Variants in FRG1 observed in about 807,000 individuals in gnomAD.
The protein encoded by FRG1 is FSHD region gene 1.
Under a neutral mutation model 37.0 loss-of-function variants are expected in FRG1, and 19 were observed. That is an observed-to-expected ratio of 0.51 (90% CI 0.36 to 0.75). The LOEUF (loss-of-function observed/expected upper bound fraction) is 0.75, where lower values mean the gene tolerates loss of function less well. Among genes scored for constraint, FRG1 ranks in the 30% least tolerant of loss-of-function variants. The pLI is 0.00. For missense variants in FRG1, 243 were observed against 301.4 expected (o/e 0.81, Z 1.44); for synonymous variants, 73 against 96.5 (o/e 0.76, Z 1.43).
chr4:189,945,885 C>G (rs1365260395), intron 2 of FRG1, among the ~76,000 whole-genome samples: 1 of 151,962 alleles, frequency 6.6e-6, no homozygotes, highest in East Asian at 1.9e-4. Context: ...TCAGCTGAAC[C>G]CGGAGGGTTT....
At chr4:189,962,801 C>A (rs1459102316) in intron 8 of FRG1, among the ~76,000 whole-genome samples, 2 of 152,148 alleles carry the variant, frequency 1.3e-5, no homozygotes, top group Non-Finnish European at 2.9e-5. Flanking sequence ...ACAGCATTCT[C>A]ACCCTGTTAA....
chr4:189,949,467 C>T (rs1233766786), intron 2 of FRG1, among the ~76,000 whole-genome samples: 1 of 152,098 alleles, frequency 6.6e-6, no homozygotes, highest in Non-Finnish European at 1.5e-5. Context: ...TTTCAGTTGA[C>T]AATATTAAAG....
At chr4:189,945,211 G>A (rs372295373) in intron 2 of FRG1, among the ~76,000 whole-genome samples, 10 of 152,038 alleles carry the variant, frequency 6.6e-5, no homozygotes, top group Admixed American at 3.3e-4. Flanking sequence ...TGTGACTATC[G>A]TTTTACTTCT....
At chr4:189,950,731 A>T (rs911133512) in intron 2 of FRG1, among the ~76,000 whole-genome samples, 6 of 152,136 alleles carry the variant, frequency 3.9e-5, no homozygotes, top group African/African-American at 7.2e-5. Context: ...TGAGTCCCCC[A>T]TGTGCCCAGG....
rs1737310757 is a variant in FRG1 at position 189,963,158 on chromosome 4, CTG to C, written c.*33_*34del. On this transcript the variant is annotated 3_prime_UTR_variant, in exon 9 of 9. Coordinates refer to ENST00000226798, the MANE Select transcript of FRG1 (RefSeq NM_004477.3). ...GGATTTTTGTTTCTGCCTTATCTTT[CTG>C]TGTTTTTTTCTGAATAAAATATTCA... The C allele has an allele frequency of 2.5e-6, 4 of 1,599,248 alleles. No homozygotes were observed. Among genetic ancestry groups the C allele is most frequent in the South Asian group, 1.1e-5 (1 of 89,756 alleles).
chr4:189,954,874 G>A (rs1362578117), intron 4 of FRG1, among the ~76,000 whole-genome samples, 163 bp from the exon 5 acceptor site: 6 of 152,250 alleles, frequency 3.9e-5, no homozygotes, highest in African/African-American at 1.4e-4. Context: ...GATTACAGGA[G>A]TGAGTCACCA....
At chr4:189,943,550 T>C (rs540422797) in intron 2 of FRG1, among the ~76,000 whole-genome samples, 3 of 152,348 alleles carry the variant, frequency 2.0e-5, no homozygotes, top group African/African-American at 7.2e-5. Context: ...TTTAAAGGCC[T>C]AATGTAAATG....
intron 3 of FRG1, 25 bp from the exon 4 acceptor site, chr4:189,953,043 T>G (rs751465628): frequency 6.5e-7 from 1 of 1,540,150 alleles, no homozygotes; most frequent in Middle Eastern, 2.4e-4. Context: ...GTCAAATTTA[T>G]TTTCAAATGT....
At chr4:189,956,894 A>G (rs1380517800) in intron 5 of FRG1, among the ~76,000 whole-genome samples, 2 of 152,234 alleles carry the variant, frequency 1.3e-5, no homozygotes, top group Non-Finnish European at 2.9e-5. Context: ...TTAAACAACT[A>G]AAAAAGTATA....
chr4:189,954,998 T>A (rs1736918805), intron 4 of FRG1, 39 bp from the exon 5 acceptor site: 1 of 1,274,982 alleles, frequency 7.8e-7, no homozygotes, highest in Non-Finnish European at 1.1e-6. Flanking sequence ...ATTAATTTTC[T>A]CTCAGTCTTT....
intron 4 of FRG1, among the ~76,000 whole-genome samples, chr4:189,953,784 AGAT>A (rs1359752056): frequency 6.6e-6 from 1 of 152,120 alleles, no homozygotes; most frequent in African/African-American, 2.4e-5. Context: ...AATCACATTA[AGAT>A]GATTATTTCT....
At chr4:189,959,998 G>A (rs1423734121) in intron 6 of FRG1, 1 of 581,516 alleles carries the variant, frequency 1.7e-6, no homozygotes, top group Non-Finnish European at 2.2e-6. Context: ...AGGTAGCCTT[G>A]TGTTACAGGC....
intron 2 of FRG1, among the ~76,000 whole-genome samples, chr4:189,948,789 C>G (rs79679893): frequency 1.2e-4 from 19 of 152,400 alleles, no homozygotes; most frequent in African/African-American, 4.6e-4. Context: ...CTCGTAGGCT[C>G]AAGCAATCCT....
chr4:189,947,566 T>C (rs1224195543), intron 2 of FRG1, among the ~76,000 whole-genome samples: 3 of 152,210 alleles, frequency 2.0e-5, no homozygotes, highest in African/African-American at 7.2e-5. Flanking sequence ...AGCCACATGT[T>C]CTAGGTATAC....
intron 6 of FRG1, 96 bp downstream of exon 6, chr4:189,957,598 G>C (rs1737040864): frequency 9.3e-7 from 1 of 1,080,296 alleles, no homozygotes; most frequent in South Asian, 1.4e-5. Context: ...TCACTTTAAA[G>C]ATTTACTTAA....
At chr4:189,942,723 A>C (rs947686401) in intron 1 of FRG1, among the ~76,000 whole-genome samples, 1 of 152,172 alleles carries the variant, frequency 6.6e-6, no homozygotes, top group Admixed American at 6.5e-5. Flanking sequence ...ATACATACTT[A>C]GGAGTAAAAT....
chr4:189,941,005 G>T lies in FRG1; in HGVS notation c.-5G>T, dbSNP rs1379864902. On this transcript the variant is annotated 5_prime_UTR_variant, in exon 1 of 9. Transcript: ENST00000226798. ...AGCCTCTCCGCGCAGAAGTTTCCCG[G>T]AGCCATGGCCGAGTACTCCTACGTG... The T allele has an allele frequency of 6.2e-7, 1 of 1,613,576 alleles. No individual in the cohort carries two copies. Among genetic ancestry groups the T allele is most frequent in the African/African-American group, 1.3e-5 (1 of 74,958 alleles).
intron 1 of FRG1, 34 bp downstream of exon 1, chr4:189,941,105 G>A (rs1425190585): frequency 6.3e-7 from 1 of 1,592,760 alleles, no homozygotes; most frequent in African/African-American, 1.3e-5. Context: ...AGCCTCCTCC[G>A]TTCTTTTCGG....
chr4:189,947,246 T>G (rs1003479), intron 2 of FRG1, among the ~76,000 whole-genome samples: 65,922 of 152,054 alleles, frequency 0.43, 17,003 homozygotes, highest in African/African-American at 0.73. Flanking sequence ...AGTGTATTGA[T>G]AGTTATGTTA....
Sources: allele counts gnomAD v4.1 joint callset (sites outside exome capture counted in the v4.1 genomes callset), GRCh38; gene constraint gnomAD v4.1.1; transcripts MANE v1.5; gene names NCBI Gene and HGNC (gene_info 2026-07-23, HGNC 2026-07-21).